The following TNIK variants were observed in gnomAD, a reference collection of about 807,000 sequenced individuals.
TNIK encodes TRAF2 and NCK-interacting protein kinase.
In TNIK, 49 loss-of-function variants were observed where a neutral mutation model predicts 191.3. The ratio of observed to expected loss-of-function variants is 0.26; its 90% confidence interval spans 0.20 to 0.32. TNIK has a LOEUF of 0.32. Ranked by LOEUF, TNIK falls within the 10% of genes least tolerant of loss-of-function variation. The pLI is 1.00. For synonymous variants in TNIK, 594 were observed against 600.9 expected (o/e 0.99, Z 0.17); for missense variants, 1,155 against 1,702.3 (o/e 0.68, Z 5.66).
intron 2 of TNIK, among the ~76,000 whole-genome samples, chr3:171,231,887 C>T (rs1439158687): frequency 6.6e-6 from 1 of 152,194 alleles, no homozygotes; most frequent in Non-Finnish European, 1.5e-5. Flanking sequence ...ACACTTTCTC[C>T]TCCATCCCAC....
chr3:171,104,645 A>C (rs2108472401), intron 21 of TNIK, among the ~76,000 whole-genome samples: 1 of 152,024 alleles, frequency 6.6e-6, no homozygotes, highest in Non-Finnish European at 1.5e-5. Context: ...CTTTTTAGAA[A>C]CAATATAGTT....
At chr3:171,110,567 CTG>C (rs1725690748) in intron 19 of TNIK, 145 bp downstream of exon 19, 11 of 1,039,634 alleles carry the variant, frequency 1.1e-5, no homozygotes, top group South Asian at 3.6e-5. Context: ...CCCGAGGAGA[CTG>C]GGGTTGAGAG....
chr3:171,230,981 G>T (rs1000112761), intron 2 of TNIK, among the ~76,000 whole-genome samples: 2 of 152,162 alleles, frequency 1.3e-5, no homozygotes, highest in African/African-American at 4.8e-5. Flanking sequence ...ATTCCTGAGG[G>T]AGTCCCTGAG....
At chr3:171,181,244 T>C (rs1577055574) in intron 7 of TNIK, among the ~76,000 whole-genome samples, 2 of 152,336 alleles carry the variant, frequency 1.3e-5, no homozygotes, top group Admixed American at 6.5e-5. Context: ...AATTGCACAA[T>C]GGAAATAACC....
intron 2 of TNIK, among the ~76,000 whole-genome samples, chr3:171,319,603 C>A (rs959177574): frequency 6.6e-6 from 1 of 152,054 alleles, no homozygotes; most frequent in Non-Finnish European, 1.5e-5. Context: ...ACCCGACAGA[C>A]AAATTTTAAA....
intron 26 of TNIK, 166 bp from the exon 27 acceptor site, chr3:171,082,560 CATT>C (rs1336016212): frequency 3.9e-6 from 3 of 766,128 alleles, no homozygotes; most frequent in Non-Finnish European, 5.9e-6. Flanking sequence ...ATAATTAAAT[CATT>C]GTACTTCTGG....
rs375464687 is a variant in TNIK at position 171,066,601 on chromosome 3, T to C, written c.3834A>G (p.Gln1278=). Residue 1278 remains glutamine (Q), a synonymous_variant, in exon 31 of 33, where the codon CAA becomes CAG. Coordinates refer to ENST00000436636, the MANE Select transcript of TNIK (RefSeq NM_015028.4). Reference sequence around the variant, plus strand: ...CCACAGACGTGGGCATTTCTCCCCATTGGAGCACCACATCCTTAGTTATCC... The same window carrying C: ...CCACAGACGTGGGCATTTCTCCCCACTGGAGCACCACATCCTTAGTTATCC... ...YGRITKDVVL[Q]WGEMPTSVAY... 1.2e-5 allele frequency: 20 copies of C among 1,613,584 alleles called. No homozygotes were observed. The East Asian group carries it at 2.0e-4, about 16-fold the overall frequency.
chr3:171,348,731 C>T (rs1005915356), intron 2 of TNIK, among the ~76,000 whole-genome samples: 5 of 151,946 alleles, frequency 3.3e-5, no homozygotes, highest in East Asian at 1.9e-4. Flanking sequence ...ACTACAGCAC[C>T]GGGTAGTGCT....
chr3:171,414,524 C>T (rs539360857), intron 1 of TNIK, among the ~76,000 whole-genome samples: 1 of 152,324 alleles, frequency 6.6e-6, no homozygotes, highest in Admixed American at 6.5e-5. Flanking sequence ...CATCCTTCAT[C>T]GCATGCTTCC....
intron 1 of TNIK, among the ~76,000 whole-genome samples, chr3:171,421,724 A>T (rs1349867148): frequency 3.3e-5 from 3 of 91,354 alleles, no homozygotes; most frequent in African/African-American, 1.5e-4. Context: ...TAGTTGTGTA[A>T]TTTTTTTTTT....
chr3:171,292,793 A>C (rs1244555766), intron 2 of TNIK, among the ~76,000 whole-genome samples: 2 of 151,354 alleles, frequency 1.3e-5, no homozygotes. Flanking sequence ...AAAAAAAAAA[A>C]AAGAATCAGC....
At chr3:171,343,443 C>T (rs1315724208) in intron 2 of TNIK, among the ~76,000 whole-genome samples, 2 of 152,192 alleles carry the variant, frequency 1.3e-5, no homozygotes, top group Admixed American at 6.5e-5. Context: ...GGTTGTTGGT[C>T]ACCTTCACTG....
intron 29 of TNIK, among the ~76,000 whole-genome samples, chr3:171,070,313 G>T (rs903318204): frequency 1.3e-5 from 2 of 152,146 alleles, no homozygotes; most frequent in Admixed American, 1.3e-4. Context: ...GGCCTACATG[G>T]TGTTCCAAGG....
chr3:171,251,738 C>G (rs979803447), intron 2 of TNIK, among the ~76,000 whole-genome samples: 2 of 152,142 alleles, frequency 1.3e-5, no homozygotes, highest in Non-Finnish European at 1.5e-5. Context: ...GCACTAATAC[C>G]ATTGATGTTT....
At chr3:171,272,850 G>C (rs1749283485) in intron 2 of TNIK, among the ~76,000 whole-genome samples, 1 of 152,152 alleles carries the variant, frequency 6.6e-6, no homozygotes, top group Non-Finnish European at 1.5e-5. Flanking sequence ...CTTAGTGTCA[G>C]TCACTGGCAC....
At chr3:171,157,817 C>G (rs1240036610) in intron 11 of TNIK, among the ~76,000 whole-genome samples, 153 bp from the exon 12 acceptor site, 1 of 152,162 alleles carries the variant, frequency 6.6e-6, no homozygotes, top group Non-Finnish European at 1.5e-5. Flanking sequence ...CAATCATTCA[C>G]CCCAAAGAAA....
chr3:171,202,213 G>GT (rs149321737), intron 4 of TNIK, among the ~76,000 whole-genome samples: 4,150 of 146,838 alleles, frequency 0.028, 117 homozygotes, highest in African/African-American at 0.083. Flanking sequence ...ATATATATAT[G>GT]TTTTTTTTTT....
chr3:171,410,771 T>C (rs1577833587), intron 1 of TNIK, among the ~76,000 whole-genome samples: 2 of 71,586 alleles, frequency 2.8e-5, no homozygotes, highest in African/African-American at 6.6e-5. Context: ...AGAGCAAGAC[T>C]CCATCTCAAA....
chr3:171,276,690 AAAG>A (rs1027344115), intron 2 of TNIK, among the ~76,000 whole-genome samples: 63 of 152,334 alleles, frequency 4.1e-4, no homozygotes, highest in African/African-American at 1.5e-3. Context: ...ATAAAAGTAA[AAAG>A]AAGTGGAGAG....
Sources: allele counts gnomAD v4.1 joint callset (sites outside exome capture counted in the v4.1 genomes callset), GRCh38; gene constraint gnomAD v4.1.1; transcripts MANE v1.5; gene names NCBI Gene and HGNC (gene_info 2026-07-23, HGNC 2026-07-21).